Variants in SPNS1 observed in about 807,000 individuals in gnomAD.
SPNS1 encodes SPNS lysolipid transporter 1, lysophospholipid, also known as protein spinster homolog 1.
In SPNS1, 22 loss-of-function variants were observed where a neutral mutation model predicts 50.3. The ratio of observed to expected loss-of-function variants is 0.44; its 90% CI spans 0.31 to 0.62. The LOEUF (loss-of-function observed/expected upper bound fraction) is 0.62. SPNS1 is among the 20% of genes least tolerant of loss of function. SPNS1 has a pLI of 0.07. For synonymous variants in SPNS1, 295 were observed against 317.4 expected, an observed-to-expected ratio of 0.93 and a Z score of 0.75; for missense variants, 576 against 728.6, an observed-to-expected ratio of 0.79 and a Z score of 2.41.
rs1177553985 is a variant in SPNS1 at position 28,981,704 on chromosome 16, A to G, written c.809+89A>G. The G allele has an allele frequency of 4.5e-6, 7 of 1,552,284 alleles. No homozygotes were observed. The highest frequency in any genetic ancestry group is 6.1e-6 in the Non-Finnish European group (7 of 1,143,780). On this transcript the variant is annotated intron_variant, in intron 6 of 11. Transcript: ENST00000311008. This position sits in a 1 kb window ranked among gnomAD's most constrained non-coding sequence, Gnocchi z 4.2. Reference sequence around the variant, plus strand: ...TGGGGATGTTCCTGTTCCTGGCCACACCCCAAGGCCAGTAATTCGGTCGAT... The same window carrying G: ...TGGGGATGTTCCTGTTCCTGGCCACGCCCCAAGGCCAGTAATTCGGTCGAT...
At chr16:28,978,185 C>A in intron 3 of SPNS1, 141 bp downstream of exon 3, 4 of 1,097,494 alleles carry the variant, frequency 3.6e-6, no homozygotes, top group Non-Finnish European at 5.2e-6. Flanking sequence ...CCCCTCCTTG[C>A]CTGAGTTAAC....
rs770547833 is a variant in SPNS1, at chr16:28,984,285, A to G, written c.1573A>G (p.Ser525Gly). ...CCGCTCCACCCGCGTGCCCGTGGCC[A>G]GTGTGCTCATCTGAGAGGCTGCCGC... The part of the protein sequence containing the change: ...RGRSTRVPVA[S>G]VLI Residue 525 changes from serine (S) to glycine (G), a missense_variant, in exon 12 of 12, where the codon AGT becomes GGT. By Grantham distance (56) the Ser-to-Gly change is moderately conservative. This residue lies in a region of SPNS1 where 428 missense variants were observed against 520.1 expected (regional missense o/e 0.82). Coordinates refer to ENST00000311008, the MANE Select transcript of SPNS1 (RefSeq NM_032038.3). 4.3e-6 allele frequency: 7 copies of G among 1,612,544 alleles called. No individual in the cohort carries two copies. The highest frequency in any genetic ancestry group is 5.1e-6 in the Non-Finnish European group (6 of 1,179,878).
intron 11 of SPNS1, 36 bp from the exon 12 acceptor site, chr16:28,984,169 A>C (rs753116139): frequency 6.5e-7 from 1 of 1,530,896 alleles, no homozygotes; most frequent in Non-Finnish European, 8.8e-7. Flanking sequence ...CTGTCTGTCC[A>C]TCCAGCTCAC....
intron 8 of SPNS1, 80 bp from the exon 9 acceptor site, chr16:28,982,777 A>T: frequency 6.7e-7 from 1 of 1,501,280 alleles, no homozygotes; most frequent in Non-Finnish European, 9.2e-7. Flanking sequence ...TAAATTAGTT[A>T]ATAGATGAGC....
chr16:28,979,372 G>A (rs759640188), intron 4 of SPNS1, 33 bp from the exon 5 acceptor site: 2 of 1,614,088 alleles, frequency 1.2e-6, no homozygotes, highest in Non-Finnish European at 1.7e-6. Flanking sequence ...CTGACTGGCT[G>A]TCCCCCCTTT....
rs768384252 is a variant in SPNS1, at chr16:28,975,178, C to T, written c.27C>T (p.Phe9=). Residue 9 remains phenylalanine, a synonymous_variant, in exon 1 of 12, where the codon TTC becomes TTT. Coordinates refer to ENST00000311008, the MANE Select transcript of SPNS1 (RefSeq NM_032038.3). MAGSDTAP[F]LSQADDPDDG... ...TGGCCGGGTCCGACACCGCGCCCTT[C>T]CTCAGCCAGGCGGATGACCCGGACG... 15 of 1,493,014 alleles carry T rather than the reference C, an allele frequency of 1.0e-5. No homozygotes were observed. The highest frequency in any genetic ancestry group is 1.3e-5 in the Non-Finnish European group (15 of 1,121,436). 92.5% of individuals were successfully genotyped at this position (1,493,014 alleles called of 1,614,324 possible). A position where few individuals can be genotyped will look rare whatever the true frequency, so the allele number is the denominator to read the frequency against.
intron 5 of SPNS1, chr16:28,980,341 G>A (rs1163270754): frequency 6.6e-6 from 1 of 152,020 alleles, no homozygotes; most frequent in Non-Finnish European, 1.5e-5. Context: ...ATGTTGCCCA[G>A]GTTGGTTTTG....
In SPNS1 at chr16:28,975,138, G is replaced by A. The variant is rs990154542; in HGVS notation, c.-14G>A. 28 of 1,471,496 alleles carry A rather than the reference G, an allele frequency of 1.9e-5. No individual in the cohort carries two copies. Among genetic ancestry groups the A allele is most frequent in the Admixed American group, 1.0e-4 (4 of 40,196 alleles). 91.2% of individuals were successfully genotyped at this position (1,471,496 alleles called of 1,614,324 possible). A position where few individuals can be genotyped will look rare whatever the true frequency, so the allele number is the denominator to read the frequency against. On this transcript the variant is annotated 5_prime_UTR_variant, in exon 1 of 12. Transcript: ENST00000311008. ...GTGGGACCGGAGCGCGGGCGGGCGC[G>A]GCCCCCCGGGACCATGGCCGGGTCC...
chr16:28,984,758 C>T, downstream of SPNS1: 1 of 1,077,124 alleles, frequency 9.3e-7, no homozygotes, highest in Non-Finnish European at 1.4e-6. Flanking sequence ...GAGCCTGTCC[C>T]TTGCCTCACA....
rs147780250 is a variant in SPNS1 at position 28,978,397 on chromosome 16, G to A, written c.444+353G>A. On this transcript the variant is annotated intron_variant, in intron 3 of 11. Transcript: ENST00000311008. ...GCCAGTGTGGGTAAAAGAGCAGCCGGGGAGATGCCATCACTCTGCCTGCAC... is the reference window on the plus strand; with the variant it reads ...GCCAGTGTGGGTAAAAGAGCAGCCGAGGAGATGCCATCACTCTGCCTGCAC... 2.0e-5 allele frequency: 4 copies of A among 203,300 alleles called. No homozygotes were observed. In the East Asian group the frequency reaches 4.9e-4, roughly 25 times the overall value. 12.6% of individuals were successfully genotyped at this position (203,300 alleles called of 1,614,324 possible).
chr16:28,979,026 C>T (rs565619374), intron 3 of SPNS1, 129 bp from the exon 4 acceptor site: 5 of 1,158,910 alleles, frequency 4.3e-6, no homozygotes, highest in Non-Finnish European at 6.0e-6. Context: ...GATGCAAGCT[C>T]AGGTCTGTGT....
At chr16:28,982,826 G>C in intron 8 of SPNS1, 31 bp from the exon 9 acceptor site, 1 of 1,612,652 alleles carries the variant, frequency 6.2e-7, no homozygotes, top group Non-Finnish European at 8.5e-7. Context: ...AGCCCTTACT[G>C]TCATGAACCC....
At chr16:28,975,800 C>T (rs1965321660) in intron 2 of SPNS1, among the ~76,000 whole-genome samples, 1 of 152,214 alleles carries the variant, frequency 6.6e-6, no homozygotes, top group Non-Finnish European at 1.5e-5. Flanking sequence ...CTCAGCTCTT[C>T]CACTTATTGT....
chr16:28,982,077 T>TG (rs1567525891), intron 7 of SPNS1, 21 bp downstream of exon 7: 1 of 1,609,180 alleles, frequency 6.2e-7, no homozygotes, highest in Non-Finnish European at 8.5e-7. Flanking sequence ...GGGGCTATGC[T>TG]GGGGGGCCTG....
At position 28,975,388 on chromosome 16, in the gene SPNS1, G is replaced by A. The variant is rs761772798; in HGVS notation, c.237G>A (p.Val79=). The stretch of plus-strand genomic sequence containing the variant: ...TGAACTACATGGACCGCTTCACCGT[G>A]GCTGGTAGGGACTCACTTCTGGGAG... ...NLLNYMDRFT[V]AGVLPDIEQF... The change falls in exon 1 of 12, where the codon GTG becomes GTA. Residue 79 remains valine, a synonymous_variant. Transcript: ENST00000311008. 1 of 1,612,178 alleles carries A rather than the reference G, an allele frequency of 6.2e-7. No homozygotes were observed. Among genetic ancestry groups the A allele is most frequent in the African/African-American group, 1.3e-5 (1 of 74,934 alleles).
At chr16:28,982,205 A>G (rs2141675189) in intron 7 of SPNS1, 149 bp downstream of exon 7, 11 of 1,360,428 alleles carry the variant, frequency 8.1e-6, no homozygotes, top group Admixed American at 2.1e-5. Context: ...CTGGGAAATA[A>G]GTGATGGGAT....
chr16:28,981,459 C>G lies in SPNS1; in HGVS notation c.664-11C>G, dbSNP rs1351786675. On this transcript the variant is annotated splice_polypyrimidine_tract_variant and intron_variant, in intron 5 of 11. Coordinates refer to ENST00000311008, the MANE Select transcript of SPNS1 (RefSeq NM_032038.3). This position sits in a 1 kb window ranked among gnomAD's most constrained non-coding sequence, Gnocchi z 4.2. ...CTCCCTGTGCCTATCCTGAAGCCCT[C>G]TGTCTCCCAGGTGACACCGGGTCTA... 3 of 1,613,906 alleles carry G rather than the reference C, an allele frequency of 1.9e-6. No individual in the cohort carries two copies. The highest frequency in any genetic ancestry group is 1.7e-6 in the Non-Finnish European group (2 of 1,179,908).
At chr16:28,979,372 G>C in intron 4 of SPNS1, 33 bp from the exon 5 acceptor site, 2 of 1,614,088 alleles carry the variant, frequency 1.2e-6, no homozygotes, top group East Asian at 2.2e-5. Flanking sequence ...CTGACTGGCT[G>C]TCCCCCCTTT....
chr16:28,979,873 A>C, intron 5 of SPNS1: 1 of 220,992 alleles, frequency 4.5e-6, no homozygotes, highest in Non-Finnish European at 9.3e-6. Flanking sequence ...AAATACAAAA[A>C]TTAGCTGGGC....
Sources: gnomAD v4.1 joint callset for allele counts (sites outside exome capture counted in the v4.1 genomes callset) on GRCh38, gnomAD v4.1.1 for gene constraint, gnomAD v4.1.1 regional missense constraint, Gnocchi (gnomAD v3.1) non-coding constraint, MANE v1.5 for transcripts, NCBI Gene and HGNC (gene_info 2026-07-23, HGNC 2026-07-21) for gene names.